Variants in KCNH1 observed in about 807,000 individuals in gnomAD.
KCNH1 encodes the protein potassium voltage-gated channel subfamily H member 1.
A neutral mutation model predicts 69.2 loss-of-function variants in KCNH1; 27 were observed. The ratio of observed to expected loss-of-function variants is 0.39; its 90% CI spans 0.29 to 0.54. The LOEUF is 0.54. Ranked by LOEUF, KCNH1 falls within the 20% of genes least tolerant of loss-of-function variation. The pLI is 0.68. For missense variants in KCNH1, 798 were observed against 1,261.6 expected, an observed-to-expected ratio of 0.63 and a Z score of 5.57; for synonymous variants, 456 against 487.7, an observed-to-expected ratio of 0.93 and a Z score of 0.86.
At chr1:211,101,286 T>C (rs1280292543) in intron 3 of KCNH1, among the ~76,000 whole-genome samples, 1 of 151,046 alleles carries the variant, frequency 6.6e-6, no homozygotes, top group East Asian at 1.9e-4. Flanking sequence ...AGTGGGTCAA[T>C]AAAAAGCTAT....
intron 5 of KCNH1, among the ~76,000 whole-genome samples, chr1:211,047,347 TA>T (rs1690111271): frequency 6.6e-6 from 1 of 151,930 alleles, no homozygotes; most frequent in African/African-American, 2.4e-5. Context: ...AATAATGAAG[TA>T]AAAAATGTGA....
chr1:210,743,655 A>C (rs958991903), intron 10 of KCNH1, among the ~76,000 whole-genome samples: 1 of 152,318 alleles, frequency 6.6e-6, no homozygotes, highest in Non-Finnish European at 1.5e-5. Context: ...TGGCCTGCCT[A>C]TCAAGAGAAA....
At chr1:210,874,094 A>G (rs1237408341) in intron 7 of KCNH1, among the ~76,000 whole-genome samples, 1 of 152,190 alleles carries the variant, frequency 6.6e-6, no homozygotes, top group East Asian at 1.9e-4. Flanking sequence ...AGCTTCTTGG[A>G]AAAGTTTCTT....
intron 7 of KCNH1, among the ~76,000 whole-genome samples, chr1:210,911,636 A>G (rs1289821220): frequency 6.6e-6 from 1 of 151,816 alleles, no homozygotes; most frequent in Non-Finnish European, 1.5e-5. Context: ...CAAAGCAAAA[A>G]AAAAAAAAAA....
chr1:210,734,788 C>T (rs182062813), intron 10 of KCNH1, among the ~76,000 whole-genome samples: 40 of 152,078 alleles, frequency 2.6e-4, no homozygotes, highest in African/African-American at 9.4e-4. Flanking sequence ...CCCGTTTGAA[C>T]AAAAAGCCTT....
intron 5 of KCNH1, among the ~76,000 whole-genome samples, chr1:211,026,346 C>T (rs1025508034): frequency 3.8e-5 from 5 of 132,354 alleles, no homozygotes; most frequent in African/African-American, 8.4e-5. Flanking sequence ...CTGAAGAAGC[C>T]AGCAACCTGG....
intron 1 of KCNH1, among the ~76,000 whole-genome samples, chr1:211,128,171 C>T (rs1691814928): frequency 6.6e-6 from 1 of 151,782 alleles, no homozygotes; most frequent in African/African-American, 2.4e-5. Context: ...CACCTGTAAT[C>T]CCAGCTACTC....
intron 7 of KCNH1, among the ~76,000 whole-genome samples, chr1:210,893,358 ATTCT>A (rs1275974210): frequency 6.6e-6 from 1 of 152,136 alleles, no homozygotes; most frequent in Non-Finnish European, 1.5e-5. Flanking sequence ...TCTTTCTAGC[ATTCT>A]TTCTAACAAG....
At chr1:210,735,945 T>G (rs186048561) in intron 10 of KCNH1, among the ~76,000 whole-genome samples, 7 of 152,348 alleles carry the variant, frequency 4.6e-5, no homozygotes, top group Middle Eastern at 6.8e-3. Context: ...TTTATATTTT[T>G]TCATTATAGT....
chr1:210,981,719 C>G (rs1688713935), intron 6 of KCNH1, among the ~76,000 whole-genome samples: 1 of 152,132 alleles, frequency 6.6e-6, no homozygotes, highest in South Asian at 2.1e-4. Flanking sequence ...GTGACTCAGG[C>G]AAAACTTCCT....
At chr1:210,757,492 G>A (rs1168911633) in intron 10 of KCNH1, among the ~76,000 whole-genome samples, 1 of 152,082 alleles carries the variant, frequency 6.6e-6, no homozygotes, top group Non-Finnish European at 1.5e-5. Flanking sequence ...TTCCTTTAAG[G>A]CTTCTTCCCA....
chr1:210,861,759 A>C, intron 7 of KCNH1: 1 of 774,146 alleles, frequency 1.3e-6, no homozygotes, highest in South Asian at 1.3e-5. Flanking sequence ...GAACTGACAG[A>C]AAATGCTGCA....
intron 6 of KCNH1, among the ~76,000 whole-genome samples, chr1:210,949,288 C>T (rs1487832307): frequency 6.6e-6 from 1 of 152,152 alleles, no homozygotes; most frequent in Non-Finnish European, 1.5e-5. Flanking sequence ...CCCTTCTCTC[C>T]TTGAGGAGCC....
chr1:210,867,638 TTTA>T (rs1686143108), intron 7 of KCNH1, among the ~76,000 whole-genome samples: 1 of 152,084 alleles, frequency 6.6e-6, no homozygotes, highest in Non-Finnish European at 1.5e-5. Flanking sequence ...ACAGAATATT[TTTA>T]TTACCCCAAA....
At chr1:210,905,489 C>T (rs1284650946) in intron 7 of KCNH1, among the ~76,000 whole-genome samples, 1 of 152,098 alleles carries the variant, frequency 6.6e-6, no homozygotes, top group African/African-American at 2.4e-5. Flanking sequence ...ATATAGACAC[C>T]TTCCCAAGTC....
At chr1:210,998,559 A>G (rs1689101060) in intron 6 of KCNH1, among the ~76,000 whole-genome samples, 1 of 152,220 alleles carries the variant, frequency 6.6e-6, no homozygotes, top group Non-Finnish European at 1.5e-5. Context: ...ACACGATAAT[A>G]GTGGGAGACT....
intron 7 of KCNH1, among the ~76,000 whole-genome samples, chr1:210,824,064 G>C (rs1684987520): frequency 6.6e-6 from 1 of 152,078 alleles, no homozygotes; most frequent in African/African-American, 2.4e-5. Context: ...GCCTCCCAAA[G>C]TGTTGAGACT....
chr1:210,718,457 A>G (rs376204577), intron 10 of KCNH1, among the ~76,000 whole-genome samples: 9 of 41,590 alleles, frequency 2.2e-4, no homozygotes, highest in Non-Finnish European at 2.5e-4. Flanking sequence ...TAAAATATAT[A>G]CATATATGTA....
chr1:210,937,467 C>T (rs1374529766), intron 6 of KCNH1, among the ~76,000 whole-genome samples: 2 of 152,214 alleles, frequency 1.3e-5, no homozygotes, highest in Non-Finnish European at 2.9e-5. Flanking sequence ...GCACCCACTC[C>T]AGTAACTGAA....
Sources: gnomAD v4.1 joint callset for allele counts (sites outside exome capture counted in the v4.1 genomes callset) on GRCh38, gnomAD v4.1.1 for gene constraint, MANE v1.5 for transcripts, NCBI Gene and HGNC (gene_info 2026-07-23, HGNC 2026-07-21) for gene names.